Variants in GPR176 observed in about 807,000 individuals in gnomAD.
The protein encoded by GPR176 is G protein-coupled receptor 176.
A neutral mutation model predicts 35.4 loss-of-function variants in GPR176; 26 were observed. The observed-to-expected ratio is 0.74, with a 90% CI of 0.54 to 1.02. The LOEUF (loss-of-function observed/expected upper bound fraction) is 1.02, where lower values mean the gene tolerates loss of function less well. GPR176 is among the 50% of genes least tolerant of loss of function. The pLI is 0.00. For missense variants in GPR176, 597 were observed against 665.3 expected (o/e 0.90, Z 1.13); for synonymous variants, 278 against 271.3 (o/e 1.02, Z -0.24).
rs1433130306 is a variant in GPR176 at position 39,801,487 on chromosome 15, G to C, written c.1193C>G (p.Ala398Gly). The stretch of plus-strand genomic sequence containing the variant: ...AAATATCTCCTTGGCCTGGAAGTCA[G>C]CTGAGCCAATGTACTTGGCCTCACT... The part of the protein sequence containing the change: ...EESEAKYIGS[A>G]DFQAKEIFST... The change falls in exon 3 of 3, where the codon GCT (alanine) becomes GGT (glycine). Residue 398 changes from alanine to glycine, a missense_variant. This residue lies in a region of GPR176 where 251 missense variants were observed against 255.4 expected (regional missense o/e 0.98). Transcript: ENST00000561100. The C allele has an allele frequency of 2.5e-6, 4 of 1,614,150 alleles. No individual in the cohort carries two copies. The East Asian group carries it at 8.9e-5, about 36-fold the overall frequency.
chr15:39,844,300 G>A (rs1349794244), intron 1 of GPR176, among the ~76,000 whole-genome samples: 1 of 152,070 alleles, frequency 6.6e-6, no homozygotes, highest in Non-Finnish European at 1.5e-5. Flanking sequence ...TTTGGCCTAG[G>A]AATCTGTATT....
Position 39,855,235 on chromosome 15 carries a change from G to A in GPR176, c.173-47977C>T, listed in dbSNP as rs192298053. 3.7e-3 allele frequency among the ~76,000 whole-genome samples: 565 copies of A among 152,032 alleles called. 2 individuals are homozygous for A. The highest frequency in any genetic ancestry group is 0.01 in the Admixed American group (156 of 15,272). On this transcript the variant is annotated intron_variant, in intron 1 of 2. Transcript: ENST00000561100. The stretch of plus-strand genomic sequence containing the variant: ...ATGTATTACAATGACAAAGTACATC[G>A]CCAATGCTATTTTACTCCAAAACTC...
At chr15:39,829,355 G>C in intron 1 of GPR176, 2 of 1,320,070 alleles carry the variant, frequency 1.5e-6, no homozygotes, top group South Asian at 1.6e-5. Context: ...GGCAATGTGT[G>C]CGCAGGACAC....
chr15:39,918,409 C>T (rs184245213), intron 1 of GPR176, among the ~76,000 whole-genome samples: 2 of 152,036 alleles, frequency 1.3e-5, no homozygotes, highest in Admixed American at 6.5e-5. Flanking sequence ...TAAAGTTATC[C>T]GTGGGGGAGG....
At chr15:39,805,068 C>T (rs887257751) in intron 2 of GPR176, among the ~76,000 whole-genome samples, 2 of 152,094 alleles carry the variant, frequency 1.3e-5, no homozygotes, top group Non-Finnish European at 2.9e-5. Context: ...TTGTATACTT[C>T]CAATAGGTGA....
chr15:39,823,917 C>T (rs777279441), intron 1 of GPR176, among the ~76,000 whole-genome samples: 10 of 152,192 alleles, frequency 6.6e-5, no homozygotes, highest in Non-Finnish European at 1.5e-4. Context: ...TCTCCTCTGC[C>T]TGGGTGGCTG....
intron 1 of GPR176, among the ~76,000 whole-genome samples, chr15:39,870,924 C>T (rs2032020126): frequency 6.6e-6 from 1 of 152,110 alleles, no homozygotes. Flanking sequence ...CTTGAATGGG[C>T]TTGGAAGAGG....
chr15:39,807,594 A>T (rs1180833237), intron 1 of GPR176: 2 of 1,430,394 alleles, frequency 1.4e-6, no homozygotes, highest in Non-Finnish European at 1.9e-6. Context: ...TGCTCTTATC[A>T]AGTTTTCTAG....
At chr15:39,846,136 T>C (rs549787093) in intron 1 of GPR176, among the ~76,000 whole-genome samples, 84 of 152,314 alleles carry the variant, frequency 5.5e-4, no homozygotes, top group Non-Finnish European at 1.0e-3. Flanking sequence ...TCCCTATTTG[T>C]CCCACTAAGG....
At chr15:39,895,910 A>G (rs2033098002) in intron 1 of GPR176, among the ~76,000 whole-genome samples, 1 of 152,160 alleles carries the variant, frequency 6.6e-6, no homozygotes, top group South Asian at 2.1e-4. Flanking sequence ...TTTCTGAAAA[A>G]CTTTCCAGTA....
chr15:39,912,482 G>A (rs2033604352), intron 1 of GPR176, among the ~76,000 whole-genome samples: 1 of 151,890 alleles, frequency 6.6e-6, no homozygotes, highest in African/African-American at 2.4e-5. Context: ...ATCCAGGTGT[G>A]GTGGCATGCG....
intron 1 of GPR176, among the ~76,000 whole-genome samples, chr15:39,893,754 CG>C: frequency 1.4e-5 from 2 of 147,116 alleles, no homozygotes; most frequent in Non-Finnish European, 1.5e-5. Flanking sequence ...ACCTCCCTCC[CG>C]GGCGGGGCGG....
At chr15:39,911,497 G>A (rs559808632) in intron 1 of GPR176, among the ~76,000 whole-genome samples, 1 of 152,330 alleles carries the variant, frequency 6.6e-6, no homozygotes, top group Admixed American at 6.5e-5. Context: ...GCTCAAGTCA[G>A]TTTGAAGGCA....
rs753425581 is a variant in GPR176, at chr15:39,801,650, G to A, written c.1030C>T (p.Arg344Cys). 1.1e-5 allele frequency: 18 copies of A among 1,613,846 alleles called. No homozygotes were observed. Among genetic ancestry groups the A allele is most frequent in the Non-Finnish European group, 1.4e-5 (16 of 1,179,868 alleles). ...TLVQLHHRYS[R>C]RNVVSTGSGM... ...CTCCCTGTACTGACCACATTACGGC[G>A]ACTGTACCGGTGGTGTAGTTGCACC... The change falls in exon 3 of 3, where the codon CGC (arginine) becomes TGC (cysteine). Residue 344 changes from arginine to cysteine, a missense_variant. Around this residue, in one of 3 missense-constraint regions of GPR176, gnomAD observed 251 missense variants for 255.4 expected, o/e 0.98. Transcript: ENST00000561100.
intron 1 of GPR176, among the ~76,000 whole-genome samples, chr15:39,821,721 T>C (rs1315271349): frequency 6.6e-6 from 1 of 151,802 alleles, no homozygotes; most frequent in African/African-American, 2.4e-5. Flanking sequence ...CCTGGAAAAG[T>C]TATCTACACC....
chr15:39,814,021 G>A (rs914572655), intron 1 of GPR176, among the ~76,000 whole-genome samples: 3 of 152,160 alleles, frequency 2.0e-5, no homozygotes, highest in African/African-American at 7.2e-5. Flanking sequence ...AAGTTCTGCA[G>A]CCTCACTAAA....
rs765365856 is a variant in GPR176 at position 39,801,533 on chromosome 15, G to A, written c.1147C>T (p.Pro383Ser). 5 of 1,614,140 alleles carry A rather than the reference G, an allele frequency of 3.1e-6. No homozygotes were observed. The South Asian group carries it at 5.5e-5, about 18-fold the overall frequency. Residue 383 changes from proline (P) to serine (S), a missense_variant, in exon 3 of 3, where the codon CCC becomes TCC. Pro to Ser is a moderately conservative substitution (Grantham distance 74, BLOSUM62 -1). Around this residue, in one of 3 missense-constraint regions of GPR176, gnomAD observed 251 missense variants for 255.4 expected, o/e 0.98. Transcript: ENST00000561100. The stretch of plus-strand genomic sequence containing the variant: ...TCACTCTCTTCCTCATCCTCTGTGG[G>A]CTTAAAGATCTGCTGCTGCCCAATG... ...FHIGQQQIFK[P>S]TEDEEESEAK...
chr15:39,834,620 T>C (rs960512010), intron 1 of GPR176, among the ~76,000 whole-genome samples: 6 of 152,178 alleles, frequency 3.9e-5, no homozygotes, highest in Non-Finnish European at 8.8e-5. Context: ...GGAGATCCTA[T>C]CATTTGCAAC....
chr15:39,892,243 T>G (rs889644002), intron 1 of GPR176, among the ~76,000 whole-genome samples: 5 of 152,182 alleles, frequency 3.3e-5, no homozygotes, highest in Admixed American at 6.5e-5. Flanking sequence ...AAAGAGCTAT[T>G]TCTTACTATC....
Sources: gnomAD v4.1 joint callset for allele counts (sites outside exome capture counted in the v4.1 genomes callset) on GRCh38, gnomAD v4.1.1 for gene constraint, gnomAD v4.1.1 regional missense constraint, MANE v1.5 for transcripts, NCBI Gene and HGNC (gene_info 2026-07-23, HGNC 2026-07-21) for gene names.